Variants in AK9 observed in about 807,000 individuals in gnomAD.
AK9 encodes adenylate kinase 9.
In AK9, 191 loss-of-function variants were observed where a neutral mutation model predicts 239.6. The observed-to-expected ratio is 0.80, with a 90% CI of 0.71 to 0.90. The LOEUF (loss-of-function observed/expected upper bound fraction) is 0.90. Ranked by LOEUF, AK9 falls within the 40% of genes least tolerant of loss-of-function variation. The pLI is 0.00. For missense variants in AK9, 1,995 were observed against 2,214.7 expected (o/e 0.90, Z 1.99); for synonymous variants, 689 against 721.0 (o/e 0.96, Z 0.71).
chr6:109,573,727 G>T, intron 20 of AK9, 133 bp from the exon 21 acceptor site: 1 of 808,950 alleles, frequency 1.2e-6, no homozygotes, highest in Non-Finnish European at 1.8e-6. Flanking sequence ...GTTTAATGGG[G>T]GAGATAGAAA....
intron 25 of AK9, 104 bp downstream of exon 25, chr6:109,549,986 A>G: frequency 8.1e-7 from 1 of 1,231,846 alleles, no homozygotes; most frequent in Non-Finnish European, 1.1e-6. Context: ...TTATATTGTA[A>G]TATCAGATTG....
At position 109,497,356 on chromosome 6, in the gene AK9, A is replaced by ACTCTCTCTCTCT. The variant is rs1439292179; in HGVS notation, c.5315+108_5315+109insAGAGAGAGAGAG. 245 of 581,160 alleles carry ACTCTCTCTCTCT rather than the reference A, an allele frequency of 4.2e-4. 1 individual carries two copies. The African/African-American group carries it at 5.8e-3, about 14-fold the overall frequency. 36.0% of individuals were successfully genotyped at this position (581,160 alleles called of 1,614,324 possible). A position where few individuals can be genotyped will look rare whatever the true frequency, so the allele number is the denominator to read the frequency against. ...CACACACACACACACACACACACAC[A>ACTCTCTCTCTCT]CACACACTCTCTCTCTCTCTCTCTC... On this transcript the variant is annotated intron_variant, in intron 38 of 40. Coordinates refer to ENST00000424296, the MANE Select transcript of AK9 (RefSeq NM_001145128.3).
Position 109,529,044 on chromosome 6 carries a change from T to C in AK9, c.3600A>G (p.Glu1200=). The change falls in exon 29 of 41, where the codon GAA becomes GAG. Residue 1200 remains glutamate, a synonymous_variant. Transcript: ENST00000424296. ...TTTTTTTATCTCTCTCTAATATAAG[T>C]TCAGCCCTTCTTTTAGCAATCGTAT... ...RVDTIAKRRA[E]LILERDKKRR... is the part of the protein sequence containing the mutation. The C allele has an allele frequency of 6.3e-7, 1 of 1,587,470 alleles. No individual in the cohort carries two copies. Among genetic ancestry groups the C allele is most frequent in the Admixed American group, 1.9e-5 (1 of 51,656 alleles).
chr6:109,595,545 T>G (rs1179047014), intron 17 of AK9, among the ~76,000 whole-genome samples: 3 of 152,150 alleles, frequency 2.0e-5, no homozygotes, highest in Admixed American at 2.0e-4. Flanking sequence ...TAAAGACATA[T>G]GCACATGTAT....
intron 5 of AK9, among the ~76,000 whole-genome samples, chr6:109,669,409 G>T (rs1801749661): frequency 6.6e-6 from 1 of 151,980 alleles, no homozygotes; most frequent in African/African-American, 2.4e-5. Flanking sequence ...GCCCTGGCCA[G>T]AACTTCCAAC....
intron 29 of AK9, among the ~76,000 whole-genome samples, chr6:109,524,233 A>C (rs1034546467): frequency 1.3e-5 from 2 of 152,176 alleles, no homozygotes; most frequent in African/African-American, 4.8e-5. Flanking sequence ...GAAATTAAAA[A>C]AATTGTTGGT....
rs567162149 is a variant in AK9 at position 109,669,713 on chromosome 6, G to C, written c.331+2206C>G. On this transcript the variant is annotated intron_variant, in intron 5 of 40. Coordinates refer to ENST00000424296, the MANE Select transcript of AK9 (RefSeq NM_001145128.3). ...TGCTTCTACCTTCTACCAGGCTACG[G>C]GTTGAGAGCAAACATCAGGATGAGA... is the stretch of plus-strand genomic sequence containing the variant. 5.9e-5 allele frequency among the ~76,000 whole-genome samples: 9 copies of C among 152,250 alleles called. No homozygotes were observed. The South Asian group carries it at 1.7e-3, about 28-fold the overall frequency.
At chr6:109,516,321 T>C (rs1405555715) in intron 30 of AK9, 109 bp downstream of exon 30, 4 of 1,051,068 alleles carry the variant, frequency 3.8e-6, no homozygotes, top group African/African-American at 1.6e-5. Context: ...AATACAGCCC[T>C]AAAATATACA....
intron 10 of AK9, among the ~76,000 whole-genome samples, chr6:109,638,558 G>A (rs1156491343): frequency 7.9e-5 from 12 of 152,268 alleles, no homozygotes; most frequent in Non-Finnish European, 1.5e-5. Flanking sequence ...ATGGCTCACT[G>A]CAGCCTCAAC....
chr6:109,560,932 A>G (rs1013692680), intron 24 of AK9, among the ~76,000 whole-genome samples: 1 of 152,070 alleles, frequency 6.6e-6, no homozygotes, highest in African/African-American at 2.4e-5. Flanking sequence ...TGTCTAACAG[A>G]GTCTTCAGTT....
Position 109,533,301 on chromosome 6 carries a change from TCTTTTGTTTTAGTTTCCA to T in AK9, c.3502_3519del (p.Trp1168_Lys1173del). ...ATCAGTTTCTTCCTTTCTAATTTCT[TCTTTTGTTTTAGTTTCCA>T]CTTTTCAATTTGGGCAGGAAGGAGG... On this transcript the variant is annotated inframe_deletion, in exon 28 of 41. Transcript: ENST00000424296. The T allele has an allele frequency of 6.2e-7, 1 of 1,611,770 alleles. No homozygotes were observed.
At chr6:109,540,068 G>A (rs1782651191) in intron 27 of AK9, among the ~76,000 whole-genome samples, 1 of 152,126 alleles carries the variant, frequency 6.6e-6, no homozygotes, top group Admixed American at 6.5e-5. Flanking sequence ...ACTTGAGGAG[G>A]CAGTCTGTCT....
chr6:109,675,614 T>C lies in AK9; in HGVS notation c.117+15A>G. On this transcript the variant is annotated intron_variant, in intron 2 of 40. Transcript: ENST00000424296. ...AAATAAAAAAAATTATACCAAATAA[T>C]AAGAGATAACTTACTGGTTTCCCAA... The C allele has an allele frequency of 1.4e-6, 2 of 1,380,006 alleles. No homozygotes were observed. Among genetic ancestry groups the C allele is most frequent in the Non-Finnish European group, 1.9e-6 (2 of 1,030,046 alleles). 85.5% of individuals were successfully genotyped at this position (1,380,006 alleles called of 1,614,324 possible). A position where few individuals can be genotyped will look rare whatever the true frequency, so the allele number is the denominator to read the frequency against.
intron 26 of AK9, among the ~76,000 whole-genome samples, chr6:109,543,000 A>G (rs1351024526): frequency 3.9e-5 from 6 of 152,144 alleles, no homozygotes; most frequent in Non-Finnish European, 7.4e-5. Flanking sequence ...TGTTATTTAT[A>G]TTATAATTTT....
At chr6:109,627,340 T>C (rs1157291328) in intron 12 of AK9, among the ~76,000 whole-genome samples, 1 of 152,160 alleles carries the variant, frequency 6.6e-6, no homozygotes, top group African/African-American at 2.4e-5. Context: ...TAACGTTTTC[T>C]ACAAGTAGAA....
chr6:109,571,871 T>C (rs1787454508), intron 21 of AK9, among the ~76,000 whole-genome samples: 1 of 152,222 alleles, frequency 6.6e-6, no homozygotes, highest in Non-Finnish European at 1.5e-5. Flanking sequence ...ACAAAACTTA[T>C]TTTTCAGGCA....
chr6:109,497,983 C>T lies in AK9; in HGVS notation c.5047-18G>A. On this transcript the variant is annotated intron_variant, in intron 36 of 40. Coordinates refer to ENST00000424296, the MANE Select transcript of AK9 (RefSeq NM_001145128.3). The stretch of plus-strand genomic sequence containing the variant: ...AAGAATTTCTATTAAAAAAGAATTC[C>T]AGTAGCAACATGATTTAAACCAGAA... The T allele has an allele frequency of 6.2e-7, 1 of 1,611,328 alleles. No individual in the cohort carries two copies. Among genetic ancestry groups the T allele is most frequent in the Admixed American group, 1.7e-5 (1 of 59,982 alleles).
chr6:109,542,844 A>G (rs1783071281), intron 26 of AK9, among the ~76,000 whole-genome samples: 2 of 152,352 alleles, frequency 1.3e-5, no homozygotes, highest in South Asian at 2.1e-4. Context: ...ACCAACCTAT[A>G]GTAAATAATA....
intron 40 of AK9, 141 bp downstream of exon 40, chr6:109,493,840 T>C: frequency 1.4e-6 from 1 of 701,826 alleles, no homozygotes; most frequent in African/African-American, 1.8e-5. Context: ...TTAAAATATT[T>C]GCCCTGTATT....
Sources: allele counts gnomAD v4.1 joint callset (sites outside exome capture counted in the v4.1 genomes callset), GRCh38; gene constraint gnomAD v4.1.1; transcripts MANE v1.5; gene names NCBI Gene and HGNC (gene_info 2026-07-23, HGNC 2026-07-21).